Variants in THSD7A observed in about 807,000 individuals in gnomAD.
The protein encoded by THSD7A is thrombospondin type-1 domain-containing protein 7A.
In THSD7A, 96 loss-of-function variants were observed where a neutral mutation model predicts 231.3. The observed-to-expected ratio is 0.41, with a 90% confidence interval of 0.35 to 0.49. The LOEUF is 0.49. Ranked by LOEUF, THSD7A falls within the 20% of genes least tolerant of loss-of-function variation. The pLI is 0.05. For synonymous variants in THSD7A, 940 were observed against 743.3 expected (o/e 1.26, Z -4.30); for missense variants, 2,290 against 2,070.2 (o/e 1.11, Z -2.06).
intron 23 of THSD7A, among the ~76,000 whole-genome samples, chr7:11,392,541 C>T (rs915215447): frequency 1.3e-5 from 2 of 152,106 alleles, no homozygotes; most frequent in African/African-American, 4.8e-5. Flanking sequence ...GAACTATTCA[C>T]TCCCCTGGAA....
chr7:11,591,805 C>T (rs1233189341), intron 3 of THSD7A, among the ~76,000 whole-genome samples: 1 of 151,924 alleles, frequency 6.6e-6, no homozygotes. Flanking sequence ...GGAAGCAAAA[C>T]CAAATAGATC....
chr7:11,591,414 G>A (rs1157717672), intron 3 of THSD7A, among the ~76,000 whole-genome samples: 1 of 151,958 alleles, frequency 6.6e-6, no homozygotes, highest in Non-Finnish European at 1.5e-5. Context: ...CAAGGAAAAT[G>A]GATGTTCTAA....
chr7:11,769,891 T>G (rs937922794), intron 1 of THSD7A, among the ~76,000 whole-genome samples: 1 of 152,162 alleles, frequency 6.6e-6, no homozygotes, highest in African/African-American at 2.4e-5. Flanking sequence ...ATCTTGAAAA[T>G]TAAATAACGT....
intron 7 of THSD7A, among the ~76,000 whole-genome samples, chr7:11,476,842 G>A (rs1438136386): frequency 7.6e-6 from 1 of 131,270 alleles, no homozygotes; most frequent in African/African-American, 2.5e-5. Context: ...AAAAGATAGT[G>A]TAGAAAGCGA....
rs553398452 is a variant in THSD7A, at chr7:11,371,516, A to G, written c.*4278T>C. Reference sequence around the variant, plus strand: ...AGAACCCACACTTGAATTTGGTAATATATTTATAAACAGGAGATCCCAGAT... The same window carrying G: ...AGAACCCACACTTGAATTTGGTAATGTATTTATAAACAGGAGATCCCAGAT... On this transcript the variant is annotated 3_prime_UTR_variant, in exon 28 of 28. Coordinates refer to ENST00000423059, the MANE Select transcript of THSD7A (RefSeq NM_015204.3). 3 of 152,302 alleles carry G rather than the reference A, an allele frequency of 2.0e-5. No homozygotes were observed. In the East Asian group the frequency reaches 5.8e-4, roughly 29 times the overall value. 9.4% of individuals were successfully genotyped at this position (152,302 alleles called of 1,614,324 possible).
chr7:11,723,441 A>G lies in THSD7A; in HGVS notation c.191-86480T>C, dbSNP rs536143617. ...GTATACATATGTAACAAACCTGCAC[A>G]CTGTGCACATGTACCCTAAAACTTA... On this transcript the variant is annotated intron_variant, in intron 1 of 27. Coordinates refer to ENST00000423059, the MANE Select transcript of THSD7A (RefSeq NM_015204.3). Among the ~76,000 whole-genome samples the G allele has an allele frequency of 4.6e-5, 7 of 152,006 alleles. No individual in the cohort carries two copies. In the East Asian group the frequency reaches 1.2e-3, roughly 26 times the overall value.
intron 24 of THSD7A, among the ~76,000 whole-genome samples, chr7:11,382,278 T>C (rs1488751323): frequency 6.6e-6 from 1 of 152,164 alleles, no homozygotes; most frequent in Non-Finnish European, 1.5e-5. Flanking sequence ...AATTAGATAG[T>C]ATTTTAATTA....
intron 1 of THSD7A, among the ~76,000 whole-genome samples, chr7:11,669,440 G>C (rs541019805): frequency 1.1e-4 from 16 of 151,952 alleles, no homozygotes; most frequent in Non-Finnish European, 1.9e-4. Context: ...ACCAACTGAT[G>C]GGTGTAAGAG....
chr7:11,724,959 T>A (rs67538166), intron 1 of THSD7A, among the ~76,000 whole-genome samples: 23,440 of 151,722 alleles, frequency 0.15, 2,212 homozygotes, highest in African/African-American at 0.27. Flanking sequence ...TTCGTTTTTT[T>A]AATTCTTATG....
At chr7:11,791,049 G>A (rs990601887) in intron 1 of THSD7A, among the ~76,000 whole-genome samples, 1 of 151,892 alleles carries the variant, frequency 6.6e-6, no homozygotes, top group African/African-American at 2.4e-5. Context: ...GTCAAGCCTT[G>A]TATAATGTTC....
chr7:11,614,779 T>C (rs533446440), intron 2 of THSD7A, among the ~76,000 whole-genome samples: 1 of 152,232 alleles, frequency 6.6e-6, no homozygotes, highest in African/African-American at 2.4e-5. Context: ...ATGTTGGTGG[T>C]GAATAACATA....
chr7:11,594,328 CCTGA>C (rs1339463263), intron 2 of THSD7A, among the ~76,000 whole-genome samples: 1 of 151,996 alleles, frequency 6.6e-6, no homozygotes, highest in African/African-American at 2.4e-5. Context: ...TCTAGAGAAC[CCTGA>C]CTAAGACAGA....
chr7:11,537,677 C>A (rs951935060), intron 6 of THSD7A, among the ~76,000 whole-genome samples: 2 of 152,178 alleles, frequency 1.3e-5, no homozygotes, highest in African/African-American at 4.8e-5. Context: ...GCCAATTAAA[C>A]CTCTTTTCCT....
chr7:11,709,633 A>T (rs573470008), intron 1 of THSD7A, among the ~76,000 whole-genome samples: 33 of 150,922 alleles, frequency 2.2e-4, no homozygotes, highest in Non-Finnish European at 1.9e-4. Context: ...TAACAGACAC[A>T]TATGTAGTCG....
intron 1 of THSD7A, among the ~76,000 whole-genome samples, chr7:11,776,958 C>T (rs1486702325): frequency 6.6e-6 from 1 of 152,144 alleles, no homozygotes; most frequent in Non-Finnish European, 1.5e-5. Flanking sequence ...GTTGATTTAA[C>T]ATCAACTGTA....
At chr7:11,421,108 A>G (rs1196562787) in intron 16 of THSD7A, among the ~76,000 whole-genome samples, 1 of 152,102 alleles carries the variant, frequency 6.6e-6, no homozygotes, top group Non-Finnish European at 1.5e-5. Flanking sequence ...AGGCTTTGGG[A>G]GACTGTTGGG....
At chr7:11,546,202 G>GCGCGCGCACACA (rs761841418) in intron 4 of THSD7A, among the ~76,000 whole-genome samples, 19 of 129,452 alleles carry the variant, frequency 1.5e-4, no homozygotes, top group South Asian at 4.6e-4. Flanking sequence ...GTGGGCGCGC[G>GCGCGCGCACACA]CTCACACACA....
At chr7:11,448,257 C>T (rs1785038726) in intron 11 of THSD7A, among the ~76,000 whole-genome samples, 3 of 152,048 alleles carry the variant, frequency 2.0e-5, no homozygotes, top group South Asian at 4.2e-4. Flanking sequence ...ATATTTTTAC[C>T]TATTGAACAT....
intron 1 of THSD7A, among the ~76,000 whole-genome samples, chr7:11,758,587 A>T (rs1039992717): frequency 6.6e-6 from 1 of 152,026 alleles, no homozygotes; most frequent in African/African-American, 2.4e-5. Flanking sequence ...CTTCTATAGG[A>T]TGCCAGGACT....
Sources: gnomAD v4.1 joint callset for allele counts (sites outside exome capture counted in the v4.1 genomes callset) on GRCh38, gnomAD v4.1.1 for gene constraint, MANE v1.5 for transcripts, NCBI Gene and HGNC (gene_info 2026-07-23, HGNC 2026-07-21) for gene names.